Variants in DAGLB observed in about 807,000 individuals in gnomAD.
DAGLB encodes diacylglycerol lipase-beta.
In DAGLB, 66 loss-of-function variants were observed where a neutral mutation model predicts 72.1. The observed-to-expected ratio is 0.92, with a 90% CI of 0.75 to 1.12. The LOEUF (loss-of-function observed/expected upper bound fraction) is 1.12, where lower values mean the gene tolerates loss of function less well. Among genes scored for constraint, DAGLB ranks in the 50% most tolerant of loss-of-function variants. The pLI, the probability that DAGLB is intolerant of heterozygous loss-of-function variation, is 0.00. For synonymous variants in DAGLB, 414 were observed against 359.5 expected, an observed-to-expected ratio of 1.15 and a Z score of -1.71; for missense variants, 1,065 against 884.9, an observed-to-expected ratio of 1.20 and a Z score of -2.58.
chr7:6,432,026 T>A (rs900435452), intron 5 of DAGLB, among the ~76,000 whole-genome samples: 1 of 152,060 alleles, frequency 6.6e-6, no homozygotes, highest in Non-Finnish European at 1.5e-5. Context: ...ACCCTGCTCA[T>A]GTACCCCTGA....
intron 2 of DAGLB, among the ~76,000 whole-genome samples, chr7:6,439,013 G>T (rs1342515721): frequency 6.6e-6 from 1 of 151,992 alleles, no homozygotes; most frequent in Admixed American, 6.6e-5. Flanking sequence ...CTGAGCTCAG[G>T]GGAGGCCAAG....
chr7:6,436,213 T>C (rs836538), intron 3 of DAGLB, 149 bp downstream of exon 3: 30,724 of 992,012 alleles, frequency 0.031, 1,643 homozygotes, highest in African/African-American at 0.18. Flanking sequence ...ACAGTGTCTC[T>C]AAATTTTCAT....
chr7:6,432,695 AAGGGGAGGAGGGGG>A, intron 5 of DAGLB, 128 bp downstream of exon 5: 2 of 769,242 alleles, frequency 2.6e-6, no homozygotes, highest in African/African-American at 2.7e-5. Context: ...GAGGGGAGGG[AAGGGGAGGAGGGGG>A]AGGGGAGGGA....
rs745875847 is a variant in DAGLB at position 6,409,772 on chromosome 7, G to A, written c.*65C>T. 4.5e-6 allele frequency: 7 copies of A among 1,549,884 alleles called. No homozygotes were observed. Among genetic ancestry groups the A allele is most frequent in the Non-Finnish European group, 6.1e-6 (7 of 1,141,492 alleles). On this transcript the variant is annotated 3_prime_UTR_variant, in exon 15 of 15. Coordinates refer to ENST00000297056, the MANE Select transcript of DAGLB (RefSeq NM_139179.4). ...TTGGCGTCATGGGAACTCCTCGGAT[G>A]GTAAGTCAGTTTAAGGACAAAAGCG...
rs1784302980 is a variant in DAGLB, at chr7:6,426,094, T to A, written c.950A>T (p.Asp317Val). ...CTGATCGCCTCCGACCAAGTCATAG[T>A]CTGTGGTTCTGCTTCTGCAGCTAAA... ...GGDCCRSRTT[D>V]YDLVGGDQLN... The change falls in exon 7 of 15, where the codon GAC becomes GTC. Residue 317 changes from aspartate to valine, a missense_variant. Transcript: ENST00000297056. 1 of 1,613,798 alleles carries A rather than the reference T, an allele frequency of 6.2e-7. No homozygotes were observed. The highest frequency in any genetic ancestry group is 2.2e-5 in the East Asian group (1 of 44,878).
intron 6 of DAGLB, among the ~76,000 whole-genome samples, chr7:6,430,049 A>T (rs1408493625): frequency 6.7e-6 from 1 of 149,454 alleles, no homozygotes; most frequent in Admixed American, 6.7e-5. Context: ...ATCTCAAAAA[A>T]TGAAAATTAG....
intron 8 of DAGLB, among the ~76,000 whole-genome samples, chr7:6,423,147 G>T (rs781507749): frequency 6.6e-6 from 1 of 152,182 alleles, no homozygotes; most frequent in South Asian, 2.1e-4. Context: ...AGCTACTTGA[G>T]AGGCTGAGGC....
At chr7:6,443,840 C>T (rs1251151414) in intron 2 of DAGLB, among the ~76,000 whole-genome samples, 1 of 152,148 alleles carries the variant, frequency 6.6e-6, no homozygotes, top group Non-Finnish European at 1.5e-5. Flanking sequence ...AGAATGCATT[C>T]CTTTATTAGT....
chr7:6,430,504 C>T lies in DAGLB; in HGVS notation c.905G>A (p.Gly302Glu), dbSNP rs1478011750. Residue 302 changes from glycine to glutamate, a missense_variant, in exon 6 of 15, where the codon GGG becomes GAG. Transcript: ENST00000297056. ...PLYIYRNPLTGLCRIGGDCCR... is the reference protein window; with the variant it reads ...PLYIYRNPLTELCRIGGDCCR... ...CCAGTCACCACCAATCCTGCACAGCCCCGTGAGGGGGTTTCTGTAGATGTA... is the reference window on the plus strand; with the variant it reads ...CCAGTCACCACCAATCCTGCACAGCTCCGTGAGGGGGTTTCTGTAGATGTA... 2 of 1,595,666 alleles carry T rather than the reference C, an allele frequency of 1.3e-6. No homozygotes were observed. Among genetic ancestry groups the T allele is most frequent in the South Asian group, 1.1e-5 (1 of 88,158 alleles).
At chr7:6,440,463 C>T (rs867358020) in intron 2 of DAGLB, among the ~76,000 whole-genome samples, 5 of 152,114 alleles carry the variant, frequency 3.3e-5, no homozygotes, top group African/African-American at 1.2e-4. Flanking sequence ...GGACTGAATT[C>T]CACCTGCTCC....
At chr7:6,410,493 C>G (rs1352485826) in intron 13 of DAGLB, 113 bp from the exon 14 acceptor site, 1 of 1,457,510 alleles carries the variant, frequency 6.9e-7, no homozygotes, top group Non-Finnish European at 9.2e-7. Context: ...CCCAGAAACC[C>G]CGCTTGGAAG....
In DAGLB at chr7:6,416,619, A is replaced by G; in HGVS notation, c.1427+8T>C. ...GCAAGCTGTTAGAGCAGGAAAACAAAGGCTCACCTCCACAGCCCCCGGGGT... is the reference window on the plus strand; with the variant it reads ...GCAAGCTGTTAGAGCAGGAAAACAAGGGCTCACCTCCACAGCCCCCGGGGT... On this transcript the variant is annotated splice_region_variant and intron_variant, in intron 11 of 14. Transcript: ENST00000297056. 6.3e-7 allele frequency: 1 copy of G among 1,587,152 alleles called. No homozygotes were observed. Among genetic ancestry groups the G allele is most frequent in the Non-Finnish European group, 8.6e-7 (1 of 1,168,620 alleles).
Position 6,410,151 on chromosome 7 carries a change from T to C in DAGLB, c.1799A>G (p.Gln600Arg). 3 of 1,576,570 alleles carry C rather than the reference T, an allele frequency of 1.9e-6. No individual in the cohort carries two copies. Among genetic ancestry groups the C allele is most frequent in the Non-Finnish European group, 2.6e-6 (3 of 1,158,176 alleles). ...LYPPGRIIHL[Q>R]EEGASGRFGC... Reference sequence around the variant, plus strand: ...TCACCGCCCCGAGGCGCCCTCCTCCTGCAGGTGGATGATCCTGCCGGGAGG... The same window carrying C: ...TCACCGCCCCGAGGCGCCCTCCTCCCGCAGGTGGATGATCCTGCCGGGAGG... The change falls in exon 14 of 15, where the codon CAG (glutamine) becomes CGG (arginine). Residue 600 changes from glutamine (Q) to arginine (R), a missense_variant. Physicochemically the swap from Gln to Arg is conservative, Grantham distance 43 (BLOSUM62 1). Transcript: ENST00000297056.
chr7:6,426,254 C>A lies in DAGLB; in HGVS notation c.930-140G>T, dbSNP rs1440239591. 5 of 1,193,024 alleles carry A rather than the reference C, an allele frequency of 4.2e-6. No homozygotes were observed. The Admixed American group carries it at 7.0e-5, about 17-fold the overall frequency. The allele number at this position is 1,193,024 out of a possible 1,614,324, so 73.9% of individuals were successfully genotyped here. ...ACTTAGCCTGGCTGACATGGAATGG[C>A]TTTTTAAAACTTAATTTGATCGACT... On this transcript the variant is annotated intron_variant, in intron 6 of 14. Coordinates refer to ENST00000297056, the MANE Select transcript of DAGLB (RefSeq NM_139179.4).
intron 9 of DAGLB, chr7:6,417,619 C>T (rs992675853): frequency 6.6e-6 from 1 of 151,520 alleles, no homozygotes; most frequent in Non-Finnish European, 1.5e-5. Context: ...TGGCTCACAC[C>T]TACAATCTGA....
chr7:6,434,381 T>G (rs547081660), intron 4 of DAGLB, among the ~76,000 whole-genome samples: 70 of 152,146 alleles, frequency 4.6e-4, no homozygotes, highest in Non-Finnish European at 8.1e-4. Flanking sequence ...TGGTAAGAAG[T>G]CACTCACTAT....
At chr7:6,439,072 T>A (rs1436666025) in intron 2 of DAGLB, among the ~76,000 whole-genome samples, 1 of 151,908 alleles carries the variant, frequency 6.6e-6, no homozygotes, top group African/African-American at 2.4e-5. Flanking sequence ...CTGGCTGACA[T>A]GGTGAAACCT....
At chr7:6,434,557 G>A (rs1784593190) in intron 4 of DAGLB, among the ~76,000 whole-genome samples, 1 of 152,090 alleles carries the variant, frequency 6.6e-6, no homozygotes, top group South Asian at 2.1e-4. Context: ...ATGTCCTATT[G>A]GGACACAGGG....
chr7:6,415,934 C>G (rs1783896441), intron 11 of DAGLB, among the ~76,000 whole-genome samples: 1 of 151,978 alleles, frequency 6.6e-6, no homozygotes, highest in Non-Finnish European at 1.5e-5. Flanking sequence ...GCATATGCCC[C>G]CCGAGAGGGC....
Sources: allele counts gnomAD v4.1 joint callset (sites outside exome capture counted in the v4.1 genomes callset), GRCh38; gene constraint gnomAD v4.1.1; transcripts MANE v1.5; gene names NCBI Gene and HGNC (gene_info 2026-07-23, HGNC 2026-07-21).